ODAD2: variants seen among roughly 807,000 people sequenced by gnomAD.
ODAD2 encodes outer dynein arm-docking complex subunit 2.
In ODAD2, 89 loss-of-function variants were observed where a neutral mutation model predicts 106.8. That is an observed-to-expected ratio of 0.83 (90% CI 0.70 to 0.99). The LOEUF is 0.99. ODAD2 is among the 50% of genes least tolerant of loss of function. The pLI, the probability that ODAD2 is intolerant of heterozygous loss-of-function variation, is 0.00. For missense variants in ODAD2, 1,168 were observed against 1,238.5 expected (o/e 0.94, Z 0.85); for synonymous variants, 404 against 436.2 (o/e 0.93, Z 0.92).
chr10:27,840,253 A>C (rs1024791354), intron 19 of ODAD2, among the ~76,000 whole-genome samples: 6 of 152,202 alleles, frequency 3.9e-5, no homozygotes, highest in African/African-American at 1.2e-4. Context: ...CTGCAATAAC[A>C]ACCTCATAAT....
intron 17 of ODAD2, among the ~76,000 whole-genome samples, chr10:27,890,174 A>C (rs2133694777): frequency 6.6e-6 from 1 of 152,324 alleles, no homozygotes; most frequent in Non-Finnish European, 1.5e-5. Flanking sequence ...GTCAATGGGC[A>C]GGGAGCCTGA....
At position 27,890,771 on chromosome 10, in the gene ODAD2, T is replaced by A. The variant is rs868523611; in HGVS notation, c.2610+16892A>T. On this transcript the variant is annotated intron_variant, in intron 17 of 19. Transcript: ENST00000305242. ...CTTGAAAATCTGGTATATATATATT[T>A]AAAAAAAAAAAAAACTTGTATTATC... Among the ~76,000 whole-genome samples the A allele has an allele frequency of 8.5e-3, 1,262 of 148,624 alleles. 13 individuals carry two copies. The highest frequency in any genetic ancestry group is 0.032 in the Middle Eastern group (9 of 284).
At chr10:27,938,409 C>T (rs975976424) in intron 14 of ODAD2, among the ~76,000 whole-genome samples, 3 of 152,126 alleles carry the variant, frequency 2.0e-5, no homozygotes, top group East Asian at 1.9e-4. Context: ...AAAAGGCAGC[C>T]GTCTACAAGC....
At chr10:27,932,128 G>A (rs1845657887) in intron 16 of ODAD2, among the ~76,000 whole-genome samples, 1 of 151,930 alleles carries the variant, frequency 6.6e-6, no homozygotes, top group Admixed American at 6.6e-5. Flanking sequence ...AGAGACGGGG[G>A]TCTTGCTATG....
intron 19 of ODAD2, among the ~76,000 whole-genome samples, chr10:27,832,117 C>T (rs1463528324): frequency 6.6e-6 from 1 of 152,190 alleles, no homozygotes; most frequent in African/African-American, 2.4e-5. Context: ...AGATGCTTGG[C>T]GTATTTCAGC....
intron 9 of ODAD2, among the ~76,000 whole-genome samples, chr10:27,965,734 T>A (rs1462068910): frequency 6.6e-6 from 1 of 152,146 alleles, no homozygotes; most frequent in African/African-American, 2.4e-5. Flanking sequence ...TGGAGTGAAA[T>A]CAACCAGGGC....
At chr10:27,868,679 TGGG>T (rs1840635051) in intron 17 of ODAD2, among the ~76,000 whole-genome samples, 1 of 151,876 alleles carries the variant, frequency 6.6e-6, no homozygotes, top group Non-Finnish European at 1.5e-5. Flanking sequence ...TGGGGCCTGC[TGGG>T]GCACGGAGGG....
chr10:27,898,729 C>A (rs1371554252), intron 17 of ODAD2, among the ~76,000 whole-genome samples: 1 of 152,074 alleles, frequency 6.6e-6, no homozygotes, highest in East Asian at 1.9e-4. Context: ...TTTTGTTCAA[C>A]ATATTTGTGA....
chr10:27,948,993 G>GT (rs1320730067), intron 10 of ODAD2, among the ~76,000 whole-genome samples: 1 of 151,272 alleles, frequency 6.6e-6, no homozygotes, highest in East Asian at 1.9e-4. Context: ...CCTCAACTAC[G>GT]TTTTTTTAAT....
chr10:27,985,039 A>G lies in ODAD2; in HGVS notation c.555T>C (p.His185=), dbSNP rs1334577133. 1.2e-6 allele frequency: 2 copies of G among 1,608,264 alleles called. No individual in the cohort carries two copies. The highest frequency in any genetic ancestry group is 2.2e-5 in the South Asian group (2 of 90,072). The change falls in exon 4 of 20, where the codon CAT becomes CAC. Residue 185 remains histidine, a synonymous_variant. Coordinates refer to ENST00000305242, the MANE Select transcript of ODAD2 (RefSeq NM_018076.5). The part of the protein sequence containing the change: ...LKQLDLHLLN[H]SLKHISLEIS... ...CTCACAATGAAATATGTTTTAGAGA[A>G]TGATTGAGGAGGTGCAGATCCAATT... is the stretch of plus-strand genomic sequence containing the variant.
rs745784537 is a variant in ODAD2 at position 27,935,105 on chromosome 10, T to C, written c.2400A>G (p.Gln800=). ...RVIVRKCGGI[Q]PLVNLLVGIN... is the part of the protein sequence containing the mutation. ...TTCCAACAAGGAGGTTCACAAGTGGTTGAATGCCACCACATTTCCGGACAA... is the reference window on the plus strand; with the variant it reads ...TTCCAACAAGGAGGTTCACAAGTGGCTGAATGCCACCACATTTCCGGACAA... The change falls in exon 16 of 20, where the codon CAA becomes CAG. Residue 800 remains glutamine, a synonymous_variant. Transcript: ENST00000305242. 3 of 1,614,000 alleles carry C rather than the reference T, an allele frequency of 1.9e-6. No individual in the cohort carries two copies. Among genetic ancestry groups the C allele is most frequent in the Non-Finnish European group, 2.5e-6 (3 of 1,179,892 alleles).
chr10:27,914,346 G>A (rs1844218058), intron 16 of ODAD2, among the ~76,000 whole-genome samples: 1 of 151,952 alleles, frequency 6.6e-6, no homozygotes, highest in Non-Finnish European at 1.5e-5. Flanking sequence ...ATAACAATCT[G>A]TGGGGTCATA....
chr10:27,823,616 G>T (rs1836785510), intron 19 of ODAD2, among the ~76,000 whole-genome samples: 2 of 152,146 alleles, frequency 1.3e-5, no homozygotes, highest in African/African-American at 2.4e-5. Context: ...AATTATAGTT[G>T]TTATTATTAT....
At chr10:27,847,379 C>A (rs1838858175) in intron 19 of ODAD2, among the ~76,000 whole-genome samples, 1 of 152,166 alleles carries the variant, frequency 6.6e-6, no homozygotes, top group African/African-American at 2.4e-5. Flanking sequence ...AACAGCACTT[C>A]ATGCTAAAAA....
chr10:27,824,454 A>G (rs557998009), intron 19 of ODAD2, among the ~76,000 whole-genome samples: 2 of 152,244 alleles, frequency 1.3e-5, no homozygotes, highest in African/African-American at 4.8e-5. Flanking sequence ...GCTTCCACCT[A>G]CTGCCCTTCT....
At chr10:27,972,400 T>C (rs1190040475) in intron 7 of ODAD2, among the ~76,000 whole-genome samples, 3 of 151,960 alleles carry the variant, frequency 2.0e-5, no homozygotes, top group Non-Finnish European at 2.9e-5. Flanking sequence ...AGAAAACAAG[T>C]AGCAAGATAG....
At chr10:27,965,508 A>C (rs1319070009) in intron 9 of ODAD2, among the ~76,000 whole-genome samples, 3 of 152,204 alleles carry the variant, frequency 2.0e-5, no homozygotes, top group Non-Finnish European at 2.9e-5. Context: ...CATTTGGGCT[A>C]TTGCAGAGCA....
chr10:27,934,628 A>G (rs1225912616), intron 16 of ODAD2, among the ~76,000 whole-genome samples: 1 of 152,104 alleles, frequency 6.6e-6, no homozygotes, highest in Non-Finnish European at 1.5e-5. Flanking sequence ...TGCTCAAAAT[A>G]CATTTGCTGA....
intron 16 of ODAD2, among the ~76,000 whole-genome samples, chr10:27,926,004 T>TAAAA (rs34649733): frequency 5.8e-5 from 6 of 102,962 alleles, no homozygotes; most frequent in African/African-American, 2.2e-4. Flanking sequence ...AGACTCCAGC[T>TAAAA]AAAAAAAAAA....
Sources: gnomAD v4.1 joint callset for allele counts (sites outside exome capture counted in the v4.1 genomes callset) on GRCh38, gnomAD v4.1.1 for gene constraint, MANE v1.5 for transcripts, NCBI Gene and HGNC (gene_info 2026-07-23, HGNC 2026-07-21) for gene names.